The following BABAM2 variants were observed in gnomAD, a reference collection of about 807,000 sequenced individuals.
BABAM2 encodes the protein BRISC and BRCA1-A complex member 2.
Under a neutral mutation model 54.7 loss-of-function variants are expected in BABAM2, and 31 were observed. The observed-to-expected ratio is 0.57, with a 90% confidence interval of 0.43 to 0.77. The LOEUF (loss-of-function observed/expected upper bound fraction) is 0.77. Among genes scored for constraint, BABAM2 ranks in the 30% least tolerant of loss-of-function variants. BABAM2 has a pLI of 0.00. For missense variants in BABAM2, 364 were observed against 455.8 expected (o/e 0.80, Z 1.83); for synonymous variants, 167 against 162.9 (o/e 1.03, Z -0.19).
intron 7 of BABAM2, among the ~76,000 whole-genome samples, chr2:28,130,988 G>A (rs879809272): frequency 2.0e-5 from 3 of 151,844 alleles, no homozygotes; most frequent in African/African-American, 4.8e-5. Flanking sequence ...TGATCTGCCC[G>A]CTTCGGCCTC....
At chr2:28,207,934 A>G (rs1268104183) in intron 7 of BABAM2, among the ~76,000 whole-genome samples, 1 of 152,042 alleles carries the variant, frequency 6.6e-6, no homozygotes, top group Non-Finnish European at 1.5e-5. Context: ...GTCCTTCACA[A>G]ATAGAAAAAA....
At chr2:27,912,778 C>A (rs1429413745) in intron 2 of BABAM2, among the ~76,000 whole-genome samples, 1 of 152,130 alleles carries the variant, frequency 6.6e-6, no homozygotes, top group East Asian at 1.9e-4. Flanking sequence ...AGGAATGAAT[C>A]CAAGAATATG....
chr2:28,279,869 T>C (rs992296044), intron 10 of BABAM2, among the ~76,000 whole-genome samples: 8 of 152,066 alleles, frequency 5.3e-5, no homozygotes, highest in Admixed American at 2.0e-4. Context: ...TTTCTCCATG[T>C]TGGTTAGGCT....
chr2:27,899,090 C>G (rs1174720758), intron 2 of BABAM2, among the ~76,000 whole-genome samples: 2 of 151,986 alleles, frequency 1.3e-5, no homozygotes, highest in Non-Finnish European at 2.9e-5. Context: ...ATAGCTAGAC[C>G]CCTTCTCTAA....
chr2:28,264,172 G>A (rs756007995), intron 10 of BABAM2, among the ~76,000 whole-genome samples: 7 of 152,008 alleles, frequency 4.6e-5, no homozygotes, highest in Non-Finnish European at 8.8e-5. Context: ...TAGTTTATAG[G>A]ACTTAACATT....
intron 2 of BABAM2, among the ~76,000 whole-genome samples, chr2:27,907,761 TGTAA>T (rs1256354124): frequency 4.6e-5 from 7 of 152,212 alleles, no homozygotes; most frequent in African/African-American, 1.4e-4. Context: ...CCTCACTTGA[TGTAA>T]GTGAGTCATG....
At chr2:27,929,603 G>A (rs1408476716) in intron 2 of BABAM2, among the ~76,000 whole-genome samples, 5 of 152,142 alleles carry the variant, frequency 3.3e-5, no homozygotes, top group Non-Finnish European at 5.9e-5. Flanking sequence ...GATGTTTGTC[G>A]TTAGAACACA....
intron 10 of BABAM2, among the ~76,000 whole-genome samples, chr2:28,263,167 G>A (rs1684688111): frequency 6.7e-6 from 1 of 150,204 alleles, no homozygotes; most frequent in African/African-American, 2.4e-5. Context: ...AAAGGAAGGA[G>A]AGGAGGAGAG....
At chr2:28,334,665 C>T (rs1211392217) in intron 11 of BABAM2, among the ~76,000 whole-genome samples, 3 of 152,208 alleles carry the variant, frequency 2.0e-5, no homozygotes, top group South Asian at 2.1e-4. Context: ...TCTCTCCGGC[C>T]GCACTTCCAT....
chr2:28,310,187 C>G, intron 11 of BABAM2: 1 of 1,596,198 alleles, frequency 6.3e-7, no homozygotes. Context: ...TAGAACCTGA[C>G]ATCTGTTGCA....
chr2:27,906,566 C>G (rs566017894), intron 2 of BABAM2, among the ~76,000 whole-genome samples: 1 of 152,288 alleles, frequency 6.6e-6, no homozygotes, highest in East Asian at 1.9e-4. Flanking sequence ...ACTTTGGGAA[C>G]TTTGGCTAGG....
chr2:27,954,886 A>G (rs1412609345), intron 3 of BABAM2, among the ~76,000 whole-genome samples: 2 of 152,146 alleles, frequency 1.3e-5, no homozygotes, highest in Admixed American at 6.5e-5. Context: ...CCTGTGAATC[A>G]TTTATGGCAT....
intron 7 of BABAM2, among the ~76,000 whole-genome samples, chr2:28,131,913 A>T (rs1347445619): frequency 6.6e-6 from 1 of 152,196 alleles, no homozygotes; most frequent in Admixed American, 6.5e-5. Context: ...GTTAAGCTGC[A>T]GGCAATAATT....
chr2:27,942,659 C>T (rs755614703), intron 3 of BABAM2, among the ~76,000 whole-genome samples: 8 of 151,854 alleles, frequency 5.3e-5, no homozygotes, highest in Admixed American at 3.3e-4. Flanking sequence ...TGAGCCATTG[C>T]ACCCGGCCTT....
At chr2:28,016,220 G>A (rs1674801680) in intron 4 of BABAM2, 2 of 961,136 alleles carry the variant, frequency 2.1e-6, no homozygotes, top group African/African-American at 1.6e-5. Flanking sequence ...TCTTTTTTTG[G>A]ATGAGCTCTC....
chr2:28,077,402 T>C (rs1664784051), intron 6 of BABAM2, among the ~76,000 whole-genome samples: 1 of 152,196 alleles, frequency 6.6e-6, no homozygotes, highest in Non-Finnish European at 1.5e-5. Flanking sequence ...TTTTATTCCA[T>C]AGTATAATTA....
intron 2 of BABAM2, among the ~76,000 whole-genome samples, chr2:27,915,281 CCTT>C (rs1666881450): frequency 6.6e-6 from 1 of 152,050 alleles, no homozygotes; most frequent in South Asian, 2.1e-4. Context: ...CTCTCCTCCT[CCTT>C]ATTTTTTGGT....
chr2:27,992,606 A>G (rs1383286965), intron 4 of BABAM2, among the ~76,000 whole-genome samples: 2 of 152,234 alleles, frequency 1.3e-5, no homozygotes, highest in African/African-American at 2.4e-5. Flanking sequence ...TGTTCAATAA[A>G]TTAAGATGGA....
chr2:27,929,938 A>G (rs1269910994), intron 3 of BABAM2, 30 bp downstream of exon 3: 1 of 1,580,236 alleles, frequency 6.3e-7, no homozygotes, highest in African/African-American at 1.3e-5. Flanking sequence ...TTTACTCAAA[A>G]TGTAGGTTAC....
Sources: allele counts gnomAD v4.1 joint callset (sites outside exome capture counted in the v4.1 genomes callset), GRCh38; gene constraint gnomAD v4.1.1; transcripts MANE v1.5; gene names NCBI Gene and HGNC (gene_info 2026-07-23, HGNC 2026-07-21).